KDM2A: variants seen among roughly 807,000 people sequenced by gnomAD.
KDM2A encodes the protein lysine demethylase 2A.
A neutral mutation model predicts 137.3 loss-of-function variants in KDM2A; 3 were observed. That is an observed-to-expected ratio of 0.02 (90% CI 0.01 to 0.06). The LOEUF is 0.06. Ranked by LOEUF, KDM2A falls within the 10% of genes least tolerant of loss-of-function variation. The pLI is 1.00. For synonymous variants in KDM2A, 512 were observed against 541.5 expected (o/e 0.95, Z 0.76); for missense variants, 738 against 1,510.6 (o/e 0.49, Z 8.48).
At chr11:67,235,303 T>C (rs1168714940) in intron 12 of KDM2A, among the ~76,000 whole-genome samples, 2 of 113,460 alleles carry the variant, frequency 1.8e-5, no homozygotes, top group Non-Finnish European at 3.2e-5. Flanking sequence ...ACTATGAGAA[T>C]TTTTTTTTTT....
rs534913690 is a variant in KDM2A at position 67,219,417 on chromosome 11, T to C, written c.957+14T>C. 6.8e-5 allele frequency: 98 copies of C among 1,440,234 alleles called. 1 individual carries two copies. Among genetic ancestry groups the C allele is most frequent in the East Asian group, 1.2e-4 (5 of 42,554 alleles). 89.2% of individuals were successfully genotyped at this position (1,440,234 alleles called of 1,614,324 possible). On this transcript the variant is annotated intron_variant, in intron 10 of 20. Transcript: ENST00000529006. The stretch of plus-strand genomic sequence containing the variant: ...GATCGGACACGGGTAAGTAATCTTA[T>C]GTAACAGTTGCATGTGAAGAGGTTT...
At chr11:67,217,204 T>C (rs1858192037) in intron 8 of KDM2A, among the ~76,000 whole-genome samples, 1 of 140,838 alleles carries the variant, frequency 7.1e-6, no homozygotes, top group South Asian at 2.2e-4. Context: ...ATTGTGCCAC[T>C]GCACTCCAGC....
chr11:67,249,488 C>T (rs1344649069), intron 16 of KDM2A, among the ~76,000 whole-genome samples: 1 of 152,188 alleles, frequency 6.6e-6, no homozygotes, highest in Non-Finnish European at 1.5e-5. Flanking sequence ...TGGGCTTTGT[C>T]ATAGCATAGT....
At chr11:67,127,334 A>C (rs1855753837) in intron 2 of KDM2A, among the ~76,000 whole-genome samples, 1 of 151,838 alleles carries the variant, frequency 6.6e-6, no homozygotes, top group African/African-American at 2.4e-5. Flanking sequence ...TTTTTTGCTC[A>C]GTCTGGTCTT....
intron 11 of KDM2A, among the ~76,000 whole-genome samples, chr11:67,230,461 A>G (rs1858675671): frequency 6.6e-6 from 1 of 152,066 alleles, no homozygotes; most frequent in Admixed American, 6.6e-5. Context: ...GACCCTGTCT[A>G]CAAAAATTTT....
chr11:67,247,128 T>C (rs12287355), intron 15 of KDM2A, among the ~76,000 whole-genome samples: 9,447 of 128,838 alleles, frequency 0.073, 1,362 homozygotes, highest in African/African-American at 0.28. Flanking sequence ...TTGCTCCTTT[T>C]GCCTAGGCTA....
chr11:67,135,677 C>T (rs1855957027), intron 2 of KDM2A, among the ~76,000 whole-genome samples: 1 of 152,138 alleles, frequency 6.6e-6, no homozygotes, highest in South Asian at 2.1e-4. Context: ...TTATAGTTTG[C>T]AAAGTACTTC....
chr11:67,214,773 A>G (rs1329002305), intron 6 of KDM2A, among the ~76,000 whole-genome samples: 1 of 152,190 alleles, frequency 6.6e-6, no homozygotes, highest in Non-Finnish European at 1.5e-5. Flanking sequence ...TGCCTGGTCT[A>G]TCTTAGTTTT....
chr11:67,212,527 T>G (rs1051438196), intron 6 of KDM2A, among the ~76,000 whole-genome samples: 1 of 152,218 alleles, frequency 6.6e-6, no homozygotes, highest in Non-Finnish European at 1.5e-5. Flanking sequence ...ATGAATAGAC[T>G]AGGTTCATGA....
intron 2 of KDM2A, among the ~76,000 whole-genome samples, chr11:67,169,960 G>A (rs1036314643): frequency 1.3e-5 from 2 of 151,744 alleles, no homozygotes; most frequent in African/African-American, 2.4e-5. Flanking sequence ...GTTTCACCAT[G>A]CTGGCCAGGC....
intron 11 of KDM2A, among the ~76,000 whole-genome samples, chr11:67,231,288 G>C (rs1375432472): frequency 6.6e-6 from 1 of 152,100 alleles, no homozygotes; most frequent in African/African-American, 2.4e-5. Flanking sequence ...ATAAGTAACT[G>C]ATTTCTAGTA....
chr11:67,215,781 A>C, intron 7 of KDM2A, 75 bp from the exon 8 acceptor site: 1 of 1,035,072 alleles, frequency 9.7e-7, no homozygotes, highest in South Asian at 1.3e-5. Flanking sequence ...ATATAAGAGG[A>C]GAGTATGGCA....
At chr11:67,162,001 T>C (rs1338396922) in intron 2 of KDM2A, among the ~76,000 whole-genome samples, 1 of 152,192 alleles carries the variant, frequency 6.6e-6, no homozygotes, top group Non-Finnish European at 1.5e-5. Flanking sequence ...TGTCTTTGGT[T>C]ATATCTGCCT....
chr11:67,148,734 G>A (rs1436136387), intron 2 of KDM2A, among the ~76,000 whole-genome samples: 1 of 152,134 alleles, frequency 6.6e-6, no homozygotes, highest in Non-Finnish European at 1.5e-5. Flanking sequence ...CCGGGAGGTG[G>A]AGGTTGCAGT....
At chr11:67,192,691 C>T (rs546516671) in intron 5 of KDM2A, among the ~76,000 whole-genome samples, 86 of 151,982 alleles carry the variant, frequency 5.7e-4, no homozygotes, top group African/African-American at 1.8e-3. Context: ...GTGATCCATC[C>T]GCCTTGGCCT....
At chr11:67,157,235 C>A (rs2136312982) in intron 2 of KDM2A, among the ~76,000 whole-genome samples, 1 of 151,034 alleles carries the variant, frequency 6.6e-6, no homozygotes, top group African/African-American at 2.4e-5. Flanking sequence ...ATGGCATGAA[C>A]CCGGGAGGCG....
chr11:67,217,040 G>A (rs4503557), intron 8 of KDM2A, among the ~76,000 whole-genome samples: 109,307 of 151,904 alleles, frequency 0.72, 45,028 homozygotes, highest in South Asian at 0.93. Flanking sequence ...TCAGGAGATC[G>A]AGAACATCTT....
At chr11:67,228,748 T>C (rs1858623551) in intron 11 of KDM2A, among the ~76,000 whole-genome samples, 1 of 151,954 alleles carries the variant, frequency 6.6e-6, no homozygotes, top group Non-Finnish European at 1.5e-5. Flanking sequence ...TTTTTGTTTT[T>C]GTTTTAGAGA....
intron 8 of KDM2A, among the ~76,000 whole-genome samples, chr11:67,217,135 T>C (rs938119169): frequency 1.6e-5 from 2 of 123,926 alleles, no homozygotes; most frequent in East Asian, 5.0e-4. Flanking sequence ...CCAGCAACTC[T>C]GGAGGCTGAG....
Sources: gnomAD v4.1 joint callset for allele counts (sites outside exome capture counted in the v4.1 genomes callset) on GRCh38, gnomAD v4.1.1 for gene constraint, MANE v1.5 for transcripts, NCBI Gene and HGNC (gene_info 2026-07-23, HGNC 2026-07-21) for gene names.